Variants in GAB1 observed in about 807,000 individuals in gnomAD.
GAB1 encodes GRB2 associated binding protein 1.
Under a neutral mutation model 66.5 loss-of-function variants are expected in GAB1, and 19 were observed. That is an observed-to-expected ratio of 0.29 (90% CI 0.20 to 0.42). GAB1 has a LOEUF of 0.42. Among genes scored for constraint, GAB1 ranks in the 10% least tolerant of loss-of-function variants. The pLI, the probability that GAB1 is intolerant of heterozygous loss-of-function variation, is 1.00. For missense variants in GAB1, 732 were observed against 858.5 expected (o/e 0.85, Z 1.84); for synonymous variants, 294 against 301.4 (o/e 0.98, Z 0.25).
At chr4:143,367,795 G>C (rs918443902) in intron 1 of GAB1, among the ~76,000 whole-genome samples, 1 of 139,378 alleles carries the variant, frequency 7.2e-6, no homozygotes, top group African/African-American at 2.7e-5. Flanking sequence ...CACAGTCTTG[G>C]CTCACTGTAA....
In GAB1 at chr4:143,413,824, C is replaced by CTTTTT. The variant is rs35422180; in HGVS notation, c.73-1633_73-1629dup. Among the ~76,000 whole-genome samples, 612 of 67,812 alleles carry CTTTTT rather than the reference C, an allele frequency of 9.0e-3. 59 individuals are homozygous for CTTTTT. The highest frequency in any genetic ancestry group is 0.053 in the African/African-American group (565 of 10,610). The allele number at this position is 67,812 out of a possible 152,430, so 44.5% of individuals were successfully genotyped here. ...AGAGCATCCCCACCACCCCGCTGCCCTTTTTTTTTTTTTTTTTTTTTTTTG... is the reference window on the plus strand; with the variant it reads ...AGAGCATCCCCACCACCCCGCTGCCCTTTTTTTTTTTTTTTTTTTTTTTTTTTTTG... On this transcript the variant is annotated intron_variant, in intron 1 of 9. Coordinates refer to ENST00000262994, the MANE Select transcript of GAB1 (RefSeq NM_002039.4).
At chr4:143,402,116 G>A (rs1177030204) in intron 1 of GAB1, among the ~76,000 whole-genome samples, 2 of 151,790 alleles carry the variant, frequency 1.3e-5, no homozygotes, top group African/African-American at 2.4e-5. Flanking sequence ...AATTAAAGAC[G>A]AGATAAAATT....
At chr4:143,416,417 G>A (rs991147844) in intron 2 of GAB1, among the ~76,000 whole-genome samples, 1 of 150,374 alleles carries the variant, frequency 6.7e-6, no homozygotes, top group Non-Finnish European at 1.5e-5. Context: ...CAAAAAAAAA[G>A]CACTTTTATG....
chr4:143,396,539 T>C (rs1731465080), intron 1 of GAB1, among the ~76,000 whole-genome samples: 1 of 152,046 alleles, frequency 6.6e-6, no homozygotes, highest in African/African-American at 2.4e-5. Flanking sequence ...GGGACTGGAA[T>C]ATGTGGTGCC....
At chr4:143,347,034 G>A (rs1197012606) in intron 1 of GAB1, among the ~76,000 whole-genome samples, 1 of 152,166 alleles carries the variant, frequency 6.6e-6, no homozygotes, top group Non-Finnish European at 1.5e-5. Context: ...TATTTTTCTA[G>A]TTGATTTTCA....
intron 6 of GAB1, among the ~76,000 whole-genome samples, chr4:143,447,557 A>G (rs1298199449): frequency 4.6e-5 from 7 of 152,202 alleles, no homozygotes; most frequent in African/African-American, 7.2e-5. Flanking sequence ...CTTTGAAGCA[A>G]TTGTGAATGG....
chr4:143,390,734 C>CAT lies in GAB1; in HGVS notation c.73-24739_73-24738dup, dbSNP rs368119110. ...GGCATACAACTTTTTTTATATTGCT[C>CAT]ATATAAAAGGGTAAGCATTCCAGGC... On this transcript the variant is annotated intron_variant, in intron 1 of 9. Coordinates refer to ENST00000262994, the MANE Select transcript of GAB1 (RefSeq NM_002039.4). 7.7e-3 allele frequency among the ~76,000 whole-genome samples: 1,171 copies of CAT among 152,208 alleles called. 15 individuals carry two copies. The highest frequency in any genetic ancestry group is 0.027 in the African/African-American group (1,110 of 41,502).
rs1327710643 is a variant in GAB1, at chr4:143,469,947, T to TA, written c.*759dup. On this transcript the variant is annotated 3_prime_UTR_variant, in exon 10 of 10. Coordinates refer to ENST00000262994, the MANE Select transcript of GAB1 (RefSeq NM_002039.4). ...ATGGCATGCAGTGATGATGTGCTCT[T>TA]ACACTTGTTAACATGTATTAAGTGT... 2 of 152,716 alleles carry TA rather than the reference T, an allele frequency of 1.3e-5. No individual in the cohort carries two copies. Among genetic ancestry groups the TA allele is most frequent in the Admixed American group, 1.3e-4 (2 of 15,280 alleles). The allele number at this position is 152,716 out of a possible 1,614,324, so 9.5% of individuals were successfully genotyped here.
chr4:143,392,824 C>T (rs1418789866), intron 1 of GAB1, among the ~76,000 whole-genome samples: 1 of 152,076 alleles, frequency 6.6e-6, no homozygotes, highest in African/African-American at 2.4e-5. Flanking sequence ...TACTTGGGCC[C>T]AACTACTATC....
intron 1 of GAB1, among the ~76,000 whole-genome samples, chr4:143,364,741 G>C (rs1729802363): frequency 6.6e-6 from 1 of 151,694 alleles, no homozygotes; most frequent in Admixed American, 6.6e-5. Context: ...CAGCCCCAGT[G>C]TTTGCTTGTT....
At chr4:143,373,842 TCTCTCTCTCTCTCTG>T (rs1730267338) in intron 1 of GAB1, among the ~76,000 whole-genome samples, 7 of 131,942 alleles carry the variant, frequency 5.3e-5, no homozygotes, top group African/African-American at 1.5e-4. Flanking sequence ...TCTCTCTCTC[TCTCTCTCTCTCTCTG>T]TAAATAAATA....
At chr4:143,444,219 TATCTA>T (rs1734388909) in intron 6 of GAB1, among the ~76,000 whole-genome samples, 1 of 152,198 alleles carries the variant, frequency 6.6e-6, no homozygotes, top group Non-Finnish European at 1.5e-5. Context: ...TCGCTAAACT[TATCTA>T]AGGCCCCCAT....
At chr4:143,457,125 G>T (rs551738867) in intron 6 of GAB1, among the ~76,000 whole-genome samples, 3 of 152,280 alleles carry the variant, frequency 2.0e-5, no homozygotes, top group African/African-American at 7.2e-5. Flanking sequence ...TATAGTAGTG[G>T]CAACTTGCTT....
intron 2 of GAB1, among the ~76,000 whole-genome samples, chr4:143,428,910 A>T (rs1270683477): frequency 8.5e-6 from 1 of 118,032 alleles, no homozygotes; most frequent in African/African-American, 4.1e-5. Flanking sequence ...TGATGAGTTA[A>T]TGGTGCAGCA....
Position 143,424,708 on chromosome 4 carries a change from G to A in GAB1, c.368-8783G>A, listed in dbSNP as rs149089619. 9.3e-5 allele frequency: 16 copies of A among 172,482 alleles called. No homozygotes were observed. In the East Asian group the frequency reaches 2.4e-3, roughly 26 times the overall value. 10.7% of individuals were successfully genotyped at this position (172,482 alleles called of 1,614,324 possible). A position where few individuals can be genotyped will look rare whatever the true frequency, so the allele number is the denominator to read the frequency against. Reference sequence around the variant, plus strand: ...GGCACGGTGGCTCCCTGTAATCCCAGCACTTTGAGAGGCCGAGGCAGATGG... The same window carrying A: ...GGCACGGTGGCTCCCTGTAATCCCAACACTTTGAGAGGCCGAGGCAGATGG... On this transcript the variant is annotated intron_variant, in intron 2 of 9. Transcript: ENST00000262994.
intron 2 of GAB1, among the ~76,000 whole-genome samples, chr4:143,432,039 G>A (rs1733685987): frequency 6.6e-6 from 1 of 152,190 alleles, no homozygotes; most frequent in African/African-American, 2.4e-5. Flanking sequence ...CTGACAGCGT[G>A]GAGAAAAGAA....
chr4:143,402,077 A>G (rs891017436), intron 1 of GAB1, among the ~76,000 whole-genome samples: 10 of 152,044 alleles, frequency 6.6e-5, no homozygotes, highest in Non-Finnish European at 1.5e-4. Flanking sequence ...TTTCTCTTTA[A>G]CAGCTGCTAG....
intron 1 of GAB1, among the ~76,000 whole-genome samples, chr4:143,404,789 C>T (rs750118886): frequency 6.6e-6 from 1 of 152,186 alleles, no homozygotes; most frequent in Non-Finnish European, 1.5e-5. Context: ...CATATGATAG[C>T]TTCTAGCCAC....
At chr4:143,377,691 G>A (rs540557301) in intron 1 of GAB1, among the ~76,000 whole-genome samples, 16 of 152,230 alleles carry the variant, frequency 1.1e-4, no homozygotes, top group African/African-American at 3.9e-4. Context: ...GGGACAGAGG[G>A]GACTTTCCCA....
Sources: allele counts gnomAD v4.1 joint callset (sites outside exome capture counted in the v4.1 genomes callset), GRCh38; gene constraint gnomAD v4.1.1; transcripts MANE v1.5; gene names NCBI Gene and HGNC (gene_info 2026-07-23, HGNC 2026-07-21).